Variants in FAM171A1 observed in about 807,000 individuals in gnomAD.
FAM171A1 encodes family with sequence similarity 171 member A1.
Under a neutral mutation model 74.9 loss-of-function variants are expected in FAM171A1, and 23 were observed. The observed-to-expected ratio is 0.31, with a 90% confidence interval of 0.22 to 0.44. FAM171A1 has a LOEUF of 0.44. Ranked by LOEUF, FAM171A1 falls within the 20% of genes least tolerant of loss-of-function variation. The pLI, the probability that FAM171A1 is intolerant of heterozygous loss-of-function variation, is 1.00. For missense variants in FAM171A1, 1,162 were observed against 1,159.2 expected (o/e 1.00, Z -0.03); for synonymous variants, 527 against 505.7 (o/e 1.04, Z -0.57).
intron 3 of FAM171A1, 100 bp from the exon 4 acceptor site, chr10:15,254,979 C>T (rs1834560880): frequency 9.3e-7 from 1 of 1,075,380 alleles, no homozygotes. Flanking sequence ...AGCACGCCTC[C>T]CCCACCCTGC....
intron 5 of FAM171A1, among the ~76,000 whole-genome samples, chr10:15,242,620 G>A (rs998518111): frequency 5.9e-5 from 9 of 152,130 alleles, no homozygotes; most frequent in African/African-American, 1.2e-4. Context: ...TTGTGTCTAC[G>A]GAAAATAAAC....
At position 15,261,743 on chromosome 10, in the gene FAM171A1, G is replaced by C. The variant is rs367947000; in HGVS notation, c.419-6864C>G. On this transcript the variant is annotated intron_variant, in intron 3 of 7. Coordinates refer to ENST00000378116, the MANE Select transcript of FAM171A1 (RefSeq NM_001010924.2). ...AGATAAAGAAAATCTACCATGTGTG[G>C]GGAAGTGAAGGAACTCTCTGTGAGC... is the stretch of plus-strand genomic sequence containing the variant. 1.0e-3 allele frequency among the ~76,000 whole-genome samples: 157 copies of C among 152,198 alleles called. 2 individuals are homozygous for C. The South Asian group carries it at 0.03, about 29-fold the overall frequency.
intron 3 of FAM171A1, among the ~76,000 whole-genome samples, chr10:15,275,105 G>T (rs750609792): frequency 6.6e-6 from 1 of 152,100 alleles, no homozygotes; most frequent in Non-Finnish European, 1.5e-5. Context: ...CCTGTCGTGG[G>T]GTTGGGGGAG....
intron 1 of FAM171A1, among the ~76,000 whole-genome samples, chr10:15,354,619 T>C (rs1205739478): frequency 1.3e-5 from 2 of 152,176 alleles, no homozygotes; most frequent in Non-Finnish European, 2.9e-5. Flanking sequence ...TGTAAGTCCT[T>C]TCTCCAACAG....
intron 1 of FAM171A1, among the ~76,000 whole-genome samples, chr10:15,330,759 C>A (rs1243369734): frequency 6.9e-6 from 1 of 144,794 alleles, no homozygotes; most frequent in African/African-American, 2.6e-5. Flanking sequence ...ACTCTGTCAC[C>A]CAGGCTGGAG....
chr10:15,293,501 A>G (rs35859537), intron 1 of FAM171A1, among the ~76,000 whole-genome samples: 3,241 of 151,910 alleles, frequency 0.021, 50 homozygotes, highest in Middle Eastern at 0.058. Context: ...GGAAAGACCA[A>G]CAAATGTGCC....
intron 5 of FAM171A1, among the ~76,000 whole-genome samples, chr10:15,222,282 T>C (rs896368144): frequency 2.0e-5 from 3 of 152,210 alleles, no homozygotes; most frequent in Non-Finnish European, 4.4e-5. Flanking sequence ...TTAACAGGGA[T>C]ACATTCTGAA....
intron 3 of FAM171A1, among the ~76,000 whole-genome samples, chr10:15,264,840 T>A (rs1834717486): frequency 6.7e-6 from 1 of 149,006 alleles, no homozygotes; most frequent in South Asian, 2.1e-4. Flanking sequence ...TTTATTTATC[T>A]ACATGGTAGT....
In FAM171A1 at chr10:15,337,460, G is replaced by A. The variant is rs531101771; in HGVS notation, c.97+33496C>T. Among the ~76,000 whole-genome samples, 7 of 152,282 alleles carry A rather than the reference G, an allele frequency of 4.6e-5. No individual in the cohort carries two copies. The East Asian group carries it at 1.2e-3, about 25-fold the overall frequency. On this transcript the variant is annotated intron_variant, in intron 1 of 7. Transcript: ENST00000378116. ...AGCACTTTAATAAGCAGTAGGGGCC[G>A]GGTGCGGTGGCTCCCGCCTGTAATC...
At chr10:15,231,557 A>C (rs569776628) in intron 5 of FAM171A1, among the ~76,000 whole-genome samples, 1 of 151,814 alleles carries the variant, frequency 6.6e-6, no homozygotes, top group Admixed American at 6.6e-5. Flanking sequence ...TCATCAGCAG[A>C]TCTCACTCCG....
intron 5 of FAM171A1, among the ~76,000 whole-genome samples, chr10:15,233,146 T>A (rs749007061): frequency 1.3e-5 from 2 of 151,760 alleles, no homozygotes; most frequent in Non-Finnish European, 2.9e-5. Context: ...ATACAAAAAA[T>A]TAGCTTGGCG....
At chr10:15,306,725 G>C (rs1835300333) in intron 1 of FAM171A1, among the ~76,000 whole-genome samples, 1 of 152,122 alleles carries the variant, frequency 6.6e-6, no homozygotes, top group Admixed American at 6.5e-5. Context: ...GAATCTCAAG[G>C]ATGACCACCC....
At chr10:15,240,749 G>A (rs1834353628) in intron 5 of FAM171A1, 2 of 985,102 alleles carry the variant, frequency 2.0e-6, no homozygotes, top group South Asian at 9.4e-5. Context: ...GTTAAAACGT[G>A]ATTTTGAGGC....
At chr10:15,288,636 A>T (rs1280678750) in intron 1 of FAM171A1, among the ~76,000 whole-genome samples, 2 of 152,152 alleles carry the variant, frequency 1.3e-5, no homozygotes, top group Non-Finnish European at 2.9e-5. Context: ...AAGATTTATG[A>T]ATAAACAGAG....
chr10:15,279,752 T>C (rs1354053291), intron 2 of FAM171A1, among the ~76,000 whole-genome samples: 1 of 151,988 alleles, frequency 6.6e-6, no homozygotes, highest in Non-Finnish European at 1.5e-5. Flanking sequence ...ACCCCATCTC[T>C]ACTAAAGATA....
At chr10:15,317,952 G>A (rs1292712993) in intron 1 of FAM171A1, among the ~76,000 whole-genome samples, 1 of 152,132 alleles carries the variant, frequency 6.6e-6, no homozygotes, top group Non-Finnish European at 1.5e-5. Flanking sequence ...TACCACACCT[G>A]GCTAATTTTT....
At chr10:15,298,138 C>A (rs1300727805) in intron 1 of FAM171A1, among the ~76,000 whole-genome samples, 5 of 146,882 alleles carry the variant, frequency 3.4e-5, no homozygotes, top group African/African-American at 1.0e-4. Context: ...TTTTCTTTTT[C>A]TTTTTTGAGA....
At chr10:15,318,210 G>T (rs1327228163) in intron 1 of FAM171A1, among the ~76,000 whole-genome samples, 2 of 152,206 alleles carry the variant, frequency 1.3e-5, no homozygotes, top group East Asian at 3.8e-4. Flanking sequence ...GAGATACGGT[G>T]TAAGGAAGAA....
intron 3 of FAM171A1, among the ~76,000 whole-genome samples, chr10:15,268,323 A>G (rs1234019173): frequency 1.3e-5 from 2 of 152,014 alleles, no homozygotes; most frequent in African/African-American, 4.8e-5. Context: ...CCCGTTAAAA[A>G]CCTACTGCAG....
Sources: allele counts gnomAD v4.1 joint callset (sites outside exome capture counted in the v4.1 genomes callset), GRCh38; gene constraint gnomAD v4.1.1; transcripts MANE v1.5; gene names NCBI Gene and HGNC (gene_info 2026-07-23, HGNC 2026-07-21).